TBC1D8: variants seen among roughly 807,000 people sequenced by gnomAD.
TBC1D8 encodes the protein TBC1 domain family member 8, also known as BUB2-like protein 1.
Under a neutral mutation model 118.8 loss-of-function variants are expected in TBC1D8, and 65 were observed. The ratio of observed to expected loss-of-function variants is 0.55; its 90% CI spans 0.45 to 0.67. TBC1D8 has a LOEUF of 0.67. TBC1D8 is among the 30% of genes least tolerant of loss of function. The probability of loss-of-function intolerance (pLI) is 0.00; values close to 1 mark genes in which losing one functional copy is unlikely to be tolerated. For missense variants in TBC1D8, 1,376 were observed against 1,471.2 expected, an observed-to-expected ratio of 0.94 and a Z score of 1.06; for synonymous variants, 566 against 595.8, an observed-to-expected ratio of 0.95 and a Z score of 0.73.
At chr2:101,028,024 C>T (rs372160311) in intron 14 of TBC1D8, 24 bp downstream of exon 14, 49 of 1,611,388 alleles carry the variant, frequency 3.0e-5, no homozygotes, top group Admixed American at 1.7e-4. Context: ...CCGTGATCAC[C>T]GGGGTGAGGC....
intron 17 of TBC1D8, among the ~76,000 whole-genome samples, chr2:101,014,364 A>G (rs535141187): frequency 1.5e-4 from 23 of 152,284 alleles, no homozygotes; most frequent in Non-Finnish European, 2.4e-4. Context: ...GATGTAGCTG[A>G]TATCAGGACT....
At chr2:101,019,331 TC>T in intron 17 of TBC1D8, 1 of 271,274 alleles carries the variant, frequency 3.7e-6, no homozygotes, top group Non-Finnish European at 6.9e-6. Flanking sequence ...TTGAAAACTT[TC>T]ATTTCGTAAC....
At chr2:101,056,491 C>T (rs150396381) in intron 3 of TBC1D8, among the ~76,000 whole-genome samples, 4 of 152,102 alleles carry the variant, frequency 2.6e-5, no homozygotes, top group African/African-American at 7.2e-5. Context: ...CCACCGCGCC[C>T]GGCCTAGAAT....
In TBC1D8 at chr2:101,029,609, A is replaced by T; in HGVS notation, c.2104T>A (p.Cys702Ser). ...GCTTTGATGCCATCATAGAAGAAGC[A>T]GTCTACCACATTCACCGCACTCTCT... ...PLESAVNVVDCFFYDGIKAIF... is the reference protein window; with the variant it reads ...PLESAVNVVDSFFYDGIKAIF... The change falls in exon 12 of 20, where the codon TGC (cysteine) becomes AGC (serine). Residue 702 changes from cysteine (C) to serine (S), a missense_variant. Transcript: ENST00000409318. 6.2e-7 allele frequency: 1 copy of T among 1,614,014 alleles called. No homozygotes were observed. Among genetic ancestry groups the T allele is most frequent in the Non-Finnish European group, 8.5e-7 (1 of 1,179,890 alleles).
chr2:101,043,847 A>G (rs6760702), intron 5 of TBC1D8, among the ~76,000 whole-genome samples: 127,564 of 152,100 alleles, frequency 0.84, 53,938 homozygotes, highest in African/African-American at 0.95. Context: ...GGCTGAGGCA[A>G]GAGAATCGCT....
At chr2:101,014,431 C>A (rs1346590794) in intron 17 of TBC1D8, among the ~76,000 whole-genome samples, 1 of 152,174 alleles carries the variant, frequency 6.6e-6, no homozygotes, top group African/African-American at 2.4e-5. Flanking sequence ...GGAATCTAAA[C>A]TACCATTTTT....
At chr2:101,136,033 A>AT (rs372958743) in intron 1 of TBC1D8, among the ~76,000 whole-genome samples, 1 of 152,022 alleles carries the variant, frequency 6.6e-6, no homozygotes, top group African/African-American at 2.4e-5. Context: ...TAATTTTGGT[A>AT]TTTTTTTGTA....
In TBC1D8 at chr2:101,022,299, C is replaced by T; in HGVS notation, c.2743G>A (p.Ala915Thr). ...GGCATACCGAGGCAGCTCACAAACG[C>T]TTTGAACTCGATGAGCTGGTCCATG... is the stretch of plus-strand genomic sequence containing the variant. ...DNMDQLIEFK[A>T]FVSCLDIMYN... Residue 915 changes from alanine (A) to threonine (T), a missense_variant, in exon 16 of 20, where the codon GCG becomes ACG. Physicochemically the swap from Ala to Thr is moderately conservative, Grantham distance 58. Transcript: ENST00000409318. 6.2e-7 allele frequency: 1 copy of T among 1,613,580 alleles called. No homozygotes were observed. Among genetic ancestry groups the T allele is most frequent in the East Asian group, 2.2e-5 (1 of 44,882 alleles).
intron 1 of TBC1D8, among the ~76,000 whole-genome samples, chr2:101,113,702 T>C (rs1189962468): frequency 6.6e-6 from 1 of 152,028 alleles, no homozygotes; most frequent in East Asian, 1.9e-4. Context: ...GAAAAACATA[T>C]AAATAAGACA....
chr2:101,019,938 G>C (rs888076038), intron 17 of TBC1D8, among the ~76,000 whole-genome samples: 1 of 152,048 alleles, frequency 6.6e-6, no homozygotes, highest in African/African-American at 2.4e-5. Flanking sequence ...TGGGCATGGT[G>C]GTGGGCGCCT....
Position 101,029,727 on chromosome 2 carries a change from G to A in TBC1D8, c.1986C>T (p.Leu662=). Residue 662 remains leucine, a synonymous_variant, in exon 12 of 20, where the codon CTC becomes CTT. Coordinates refer to ENST00000409318, the MANE Select transcript of TBC1D8 (RefSeq NM_001330348.2). The part of the protein sequence containing the change: ...SVFEELIKGH[L]PELAEHMNDL... ...CGTTCATGTGCTCTGCCAGCTCTGG[G>A]AGATGACCCTTGATGAGCTCCTCGA... is the stretch of plus-strand genomic sequence containing the variant. The A allele has an allele frequency of 6.2e-7, 1 of 1,614,012 alleles. No homozygotes were observed. The highest frequency in any genetic ancestry group is 8.5e-7 in the Non-Finnish European group (1 of 1,179,900).
intron 1 of TBC1D8, among the ~76,000 whole-genome samples, chr2:101,126,429 C>G (rs956359315): frequency 2.0e-5 from 3 of 152,168 alleles, no homozygotes; most frequent in Non-Finnish European, 2.9e-5. Flanking sequence ...CTGCTGGGTA[C>G]ATATGTCCTG....
intron 15 of TBC1D8, among the ~76,000 whole-genome samples, chr2:101,025,113 GTATT>G (rs1304843858): frequency 1.3e-5 from 2 of 152,110 alleles, no homozygotes; most frequent in Non-Finnish European, 2.9e-5. Flanking sequence ...AGGCATGTGT[GTATT>G]TATAGATAGA....
Position 101,008,220 on chromosome 2 carries a change from T to G in TBC1D8, c.3069A>C (p.Pro1023=). The change falls in exon 20 of 20, where the codon CCA becomes CCC. Residue 1023 remains proline (P), a synonymous_variant. Coordinates refer to ENST00000409318, the MANE Select transcript of TBC1D8 (RefSeq NM_001330348.2). ...TGGCTTGATACAAATCATTTTCTTC[T>G]GGATCTTCATGGAACATACTGTACA... ...KTLYSMFHED[P]EENDLYQAIA... 6.2e-7 allele frequency: 1 copy of G among 1,600,362 alleles called. No individual in the cohort carries two copies. The highest frequency in any genetic ancestry group is 8.5e-7 in the Non-Finnish European group (1 of 1,173,022).
intron 17 of TBC1D8, among the ~76,000 whole-genome samples, chr2:101,017,009 G>A (rs902854004): frequency 6.6e-6 from 1 of 151,538 alleles, no homozygotes; most frequent in African/African-American, 2.4e-5. Context: ...ACACCAGCAT[G>A]GCACATGTAT....
At chr2:101,074,863 C>A (rs1034745360) in intron 2 of TBC1D8, among the ~76,000 whole-genome samples, 1 of 152,140 alleles carries the variant, frequency 6.6e-6, no homozygotes, top group African/African-American at 2.4e-5. Context: ...TTCACACTTA[C>A]TTGAAAAGCC....
At chr2:101,121,904 A>G (rs1678128152) in intron 1 of TBC1D8, among the ~76,000 whole-genome samples, 1 of 151,918 alleles carries the variant, frequency 6.6e-6, no homozygotes. Flanking sequence ...TGTCTCTACT[A>G]AAAATACAAA....
At chr2:101,143,476 C>T (rs7590479) in intron 1 of TBC1D8, among the ~76,000 whole-genome samples, 101,638 of 151,988 alleles carry the variant, frequency 0.67, 34,374 homozygotes, top group East Asian at 0.78. Context: ...TACACATGTG[C>T]TTGTTGGCTG....
At position 101,032,376 on chromosome 2, in the gene TBC1D8, T is replaced by C. The variant is rs1430435251; in HGVS notation, c.1828A>G (p.Ile610Val). The change falls in exon 11 of 20, where the codon ATC becomes GTC. Residue 610 changes from isoleucine to valine, a missense_variant. Physicochemically the swap from Ile to Val is conservative, Grantham distance 29 (BLOSUM62 3). Transcript: ENST00000409318. ...PKIGYCQSMN[I>V]LTSVLLLYTK... The stretch of plus-strand genomic sequence containing the variant: ...TACAGCAGCAGCACGGAGGTCAGGA[T>C]GTTCATGGACTGCTCGGGGGTCAAG... The C allele has an allele frequency of 3.1e-6, 5 of 1,613,644 alleles. No homozygotes were observed. In the South Asian group the frequency reaches 3.3e-5, roughly 11 times the overall value.
Sources: allele counts gnomAD v4.1 joint callset (sites outside exome capture counted in the v4.1 genomes callset), GRCh38; gene constraint gnomAD v4.1.1; transcripts MANE v1.5; gene names NCBI Gene and HGNC (gene_info 2026-07-23, HGNC 2026-07-21).